Variants in CPA6 observed in about 807,000 individuals in gnomAD.
CPA6 encodes carboxypeptidase B.
In CPA6, 58 loss-of-function variants were observed where a neutral mutation model predicts 63.3. That is an observed-to-expected ratio of 0.92 (90% confidence interval 0.74 to 1.14). The LOEUF (loss-of-function observed/expected upper bound fraction) is 1.14, where lower values mean the gene tolerates loss of function less well. Among genes scored for constraint, CPA6 ranks in the 50% most tolerant of loss-of-function variants. The pLI, the probability that CPA6 is intolerant of heterozygous loss-of-function variation, is 0.00. For synonymous variants in CPA6, 185 were observed against 179.0 expected (o/e 1.03, Z -0.27); for missense variants, 565 against 526.6 (o/e 1.07, Z -0.71).
rs775417917 is a variant in CPA6 at position 67,668,280 on chromosome 8, A to G, written c.117-44029T>C. On this transcript the variant is annotated intron_variant, in intron 1 of 10. Coordinates refer to ENST00000297770, the MANE Select transcript of CPA6 (RefSeq NM_020361.5). Reference sequence around the variant, plus strand: ...ATAGCTTCCAATGAATTAAAAATCTATATTTTCTATACCCACTTCAACAGT... The same window carrying G: ...ATAGCTTCCAATGAATTAAAAATCTGTATTTTCTATACCCACTTCAACAGT... Among the ~76,000 whole-genome samples the G allele has an allele frequency of 5.3e-5, 8 of 152,226 alleles. 1 individual carries two copies. Among genetic ancestry groups the G allele is most frequent in the Non-Finnish European group, 1.2e-4 (8 of 68,040 alleles).
intron 2 of CPA6, among the ~76,000 whole-genome samples, chr8:67,555,943 C>T (rs1289808989): frequency 6.6e-6 from 1 of 152,160 alleles, no homozygotes. Context: ...GTGTAAGGAA[C>T]TATGAGTCCC....
chr8:67,488,728 T>G (rs1481713300), intron 6 of CPA6, among the ~76,000 whole-genome samples: 3 of 152,206 alleles, frequency 2.0e-5, no homozygotes, highest in Non-Finnish European at 4.4e-5. Flanking sequence ...TTTTATTTCG[T>G]TGAGCGGTGG....
intron 9 of CPA6, among the ~76,000 whole-genome samples, chr8:67,432,656 A>G (rs183790481): frequency 6.6e-6 from 1 of 152,222 alleles, no homozygotes; most frequent in African/African-American, 2.4e-5. Context: ...AGAGATGGGC[A>G]TCTCACCATG....
At chr8:67,449,608 C>T (rs539547942) in intron 8 of CPA6, among the ~76,000 whole-genome samples, 16 of 151,980 alleles carry the variant, frequency 1.1e-4, no homozygotes, top group South Asian at 2.1e-4. Context: ...AGTTTTATGC[C>T]GTTCCATTTG....
chr8:67,698,633 A>G (rs1246621585), intron 1 of CPA6, among the ~76,000 whole-genome samples: 1 of 152,096 alleles, frequency 6.6e-6, no homozygotes, highest in Non-Finnish European at 1.5e-5. Context: ...TCTATACTGA[A>G]TAATACAGCA....
chr8:67,658,662 T>G (rs1237713845), intron 1 of CPA6, among the ~76,000 whole-genome samples: 1 of 152,240 alleles, frequency 6.6e-6, no homozygotes, highest in Non-Finnish European at 1.5e-5. Flanking sequence ...CTCTTCCTGA[T>G]GTCTCCCAGA....
At chr8:67,707,736 A>T (rs376334188) in intron 1 of CPA6, among the ~76,000 whole-genome samples, 8 of 152,010 alleles carry the variant, frequency 5.3e-5, no homozygotes, top group South Asian at 2.1e-4. Flanking sequence ...GTGAAACCCC[A>T]TCTCTACTTA....
At chr8:67,661,363 G>A (rs911113407) in intron 1 of CPA6, among the ~76,000 whole-genome samples, 2 of 152,178 alleles carry the variant, frequency 1.3e-5, no homozygotes, top group Admixed American at 6.5e-5. Context: ...GCGGGAGGGA[G>A]GCAGGCCTGG....
intron 2 of CPA6, among the ~76,000 whole-genome samples, chr8:67,587,687 C>T (rs183296535): frequency 3.3e-5 from 5 of 151,936 alleles, no homozygotes; most frequent in South Asian, 2.1e-4. Flanking sequence ...TGTTAGTGGT[C>T]GGGGCTGGGT....
chr8:67,441,885 C>T (rs2128953931), intron 8 of CPA6, among the ~76,000 whole-genome samples: 1 of 152,210 alleles, frequency 6.6e-6, no homozygotes, highest in South Asian at 2.1e-4. Context: ...GATGGACTTA[C>T]AGAGCATGGG....
At chr8:67,465,478 G>A (rs112394598) in intron 8 of CPA6, among the ~76,000 whole-genome samples, 2 of 152,196 alleles carry the variant, frequency 1.3e-5, no homozygotes, top group African/African-American at 4.8e-5. Context: ...CTATTTGGAT[G>A]CCTTTTATTT....
At chr8:67,576,457 C>A (rs1813628528) in intron 2 of CPA6, among the ~76,000 whole-genome samples, 1 of 152,114 alleles carries the variant, frequency 6.6e-6, no homozygotes, top group African/African-American at 2.4e-5. Flanking sequence ...ACATAAATCC[C>A]ACTGCTTGTA....
chr8:67,740,601 G>T (rs1354839911), intron 1 of CPA6, among the ~76,000 whole-genome samples: 1 of 152,124 alleles, frequency 6.6e-6, no homozygotes, highest in African/African-American at 2.4e-5. Context: ...ACTGAGTCTT[G>T]CTCTGATGCC....
At chr8:67,648,850 A>G (rs181406562) in intron 1 of CPA6, among the ~76,000 whole-genome samples, 2 of 152,288 alleles carry the variant, frequency 1.3e-5, no homozygotes, top group East Asian at 3.9e-4. Context: ...TTAGAATAGA[A>G]CTGGGGAATA....
chr8:67,632,047 C>T (rs1014377890), intron 1 of CPA6, among the ~76,000 whole-genome samples: 2 of 152,192 alleles, frequency 1.3e-5, no homozygotes, highest in African/African-American at 2.4e-5. Flanking sequence ...ACCAAGAACC[C>T]ACCAATTCTG....
At chr8:67,699,673 C>T (rs1055207041) in intron 1 of CPA6, among the ~76,000 whole-genome samples, 3 of 151,914 alleles carry the variant, frequency 2.0e-5, no homozygotes, top group Non-Finnish European at 4.4e-5. Flanking sequence ...TTGCAATCTC[C>T]ACCTTCCAGG....
intron 1 of CPA6, among the ~76,000 whole-genome samples, chr8:67,684,180 G>T (rs1044657719): frequency 6.6e-6 from 1 of 151,308 alleles, no homozygotes; most frequent in African/African-American, 2.4e-5. Context: ...GAGCCACTGT[G>T]CCTGGCCTCT....
At chr8:67,470,321 C>T (rs1009020997) in intron 8 of CPA6, among the ~76,000 whole-genome samples, 7 of 152,104 alleles carry the variant, frequency 4.6e-5, no homozygotes, top group Non-Finnish European at 7.4e-5. Context: ...TGAGCCACCA[C>T]GCCCGGCCTT....
In CPA6 at chr8:67,518,097, A is replaced by T. The variant is rs200820545; in HGVS notation, c.193-50T>A. On this transcript the variant is annotated intron_variant, in intron 2 of 10. Transcript: ENST00000297770. ...ATTCATATCCAACGTAGGGGGGGAAAATCTGTGTCACAATGTCAAACACAT... is the reference window on the plus strand; with the variant it reads ...ATTCATATCCAACGTAGGGGGGGAATATCTGTGTCACAATGTCAAACACAT... 126 of 1,481,540 alleles carry T rather than the reference A, an allele frequency of 8.5e-5. 1 individual carries two copies. The highest frequency in any genetic ancestry group is 2.5e-4 in the South Asian group (17 of 67,946). 91.8% of individuals were successfully genotyped at this position (1,481,540 alleles called of 1,614,324 possible).
Sources: gnomAD v4.1 joint callset for allele counts (sites outside exome capture counted in the v4.1 genomes callset) on GRCh38, gnomAD v4.1.1 for gene constraint, MANE v1.5 for transcripts, NCBI Gene and HGNC (gene_info 2026-07-23, HGNC 2026-07-21) for gene names.